Variants in NEGR1 observed in about 807,000 individuals in gnomAD.
The protein encoded by NEGR1 is neuronal growth regulator 1.
Under a neutral mutation model 40.9 loss-of-function variants are expected in NEGR1, and 10 were observed. That is an observed-to-expected ratio of 0.24 (90% CI 0.15 to 0.42). NEGR1 has a LOEUF of 0.42. Ranked by LOEUF, NEGR1 falls within the 10% of genes least tolerant of loss-of-function variation. The probability of loss-of-function intolerance (pLI) is 1.00; values close to 1 mark genes in which losing one functional copy is unlikely to be tolerated. For synonymous variants in NEGR1, 185 were observed against 166.8 expected, an observed-to-expected ratio of 1.11 and a Z score of -0.84; for missense variants, 352 against 438.9, an observed-to-expected ratio of 0.80 and a Z score of 1.77.
intron 1 of NEGR1, among the ~76,000 whole-genome samples, chr1:72,212,794 A>C (rs1653659416): frequency 6.6e-6 from 1 of 151,968 alleles, no homozygotes; most frequent in South Asian, 2.1e-4. Flanking sequence ...GATAAAAAGA[A>C]ATATAAAATA....
chr1:71,795,385 T>C (rs536119443), intron 2 of NEGR1, among the ~76,000 whole-genome samples: 40 of 152,194 alleles, frequency 2.6e-4, no homozygotes, highest in African/African-American at 8.9e-4. Context: ...AGCATTGCCC[T>C]GGACTAAAAC....
intron 1 of NEGR1, among the ~76,000 whole-genome samples, chr1:72,246,069 TAC>T (rs1172477092): frequency 1.3e-5 from 2 of 152,200 alleles, no homozygotes; most frequent in African/African-American, 4.8e-5. Flanking sequence ...TGAGTTGAAT[TAC>T]AGTTACCTTA....
At chr1:71,613,628 C>T (rs1198550997) in intron 4 of NEGR1, among the ~76,000 whole-genome samples, 1 of 150,034 alleles carries the variant, frequency 6.7e-6, no homozygotes, top group Admixed American at 6.7e-5. Flanking sequence ...GCACTTCAGC[C>T]TGGGCAACCA....
At chr1:71,414,928 T>C (rs568391565) in intron 6 of NEGR1, among the ~76,000 whole-genome samples, 2 of 152,300 alleles carry the variant, frequency 1.3e-5, no homozygotes, top group South Asian at 2.1e-4. Context: ...TATGATTCCC[T>C]ACTGCAGTCA....
intron 2 of NEGR1, among the ~76,000 whole-genome samples, chr1:71,809,183 G>T (rs1657893999): frequency 1.3e-5 from 2 of 152,114 alleles, no homozygotes; most frequent in Non-Finnish European, 2.9e-5. Flanking sequence ...TGTTGCAAAA[G>T]AGTGTGTGCC....
At chr1:71,782,154 G>C (rs1173723088) in intron 2 of NEGR1, among the ~76,000 whole-genome samples, 1 of 151,988 alleles carries the variant, frequency 6.6e-6, no homozygotes, top group African/African-American at 2.4e-5. Context: ...TGGGGCCTTG[G>C]AAAGGTGATT....
chr1:71,421,487 C>T (rs1243206143), intron 6 of NEGR1: 3 of 151,996 alleles, frequency 2.0e-5, no homozygotes, highest in African/African-American at 7.2e-5. Flanking sequence ...AGTTTAAAAA[C>T]AATAAGTGTG....
intron 1 of NEGR1, among the ~76,000 whole-genome samples, chr1:72,129,355 T>A (rs1175333917): frequency 6.6e-6 from 1 of 152,186 alleles, no homozygotes; most frequent in Admixed American, 6.5e-5. Context: ...CTATATTTAA[T>A]CATGCTAATG....
chr1:71,460,251 G>A (rs147370393), intron 6 of NEGR1, among the ~76,000 whole-genome samples: 2 of 152,054 alleles, frequency 1.3e-5, no homozygotes, highest in African/African-American at 2.4e-5. Flanking sequence ...TGTTGACATC[G>A]GTCCAAGTAC....
intron 6 of NEGR1, among the ~76,000 whole-genome samples, chr1:71,584,047 GA>G (rs1243776745): frequency 6.6e-6 from 1 of 152,210 alleles, no homozygotes; most frequent in African/African-American, 2.4e-5. Flanking sequence ...TGCCTGGCCA[GA>G]GCATAGGTGA....
chr1:72,206,613 G>A (rs1285388746), intron 1 of NEGR1, among the ~76,000 whole-genome samples: 2 of 151,686 alleles, frequency 1.3e-5, no homozygotes, highest in Non-Finnish European at 2.9e-5. Flanking sequence ...TAATAAATTA[G>A]AGACCAAAAA....
intron 1 of NEGR1, among the ~76,000 whole-genome samples, chr1:72,063,676 C>T (rs1647211750): frequency 6.6e-6 from 1 of 151,848 alleles, no homozygotes; most frequent in East Asian, 1.9e-4. Context: ...ACCAGGTGGA[C>T]TTAAATATGA....
intron 1 of NEGR1, among the ~76,000 whole-genome samples, chr1:71,948,688 C>T (rs1490561564): frequency 6.6e-6 from 1 of 152,082 alleles, no homozygotes; most frequent in Non-Finnish European, 1.5e-5. Context: ...CATATCGATG[C>T]CTCTCTTGCT....
chr1:72,112,251 G>A (rs1325641936), intron 1 of NEGR1, among the ~76,000 whole-genome samples: 1 of 137,688 alleles, frequency 7.3e-6, no homozygotes, highest in Non-Finnish European at 1.5e-5. Flanking sequence ...GCTCAGAGTT[G>A]TACACTTTTA....
At chr1:71,905,245 A>T (rs1414218584) in intron 2 of NEGR1, among the ~76,000 whole-genome samples, 3 of 152,112 alleles carry the variant, frequency 2.0e-5, no homozygotes, top group Non-Finnish European at 4.4e-5. Flanking sequence ...ACAGCTATGC[A>T]TAGAAATATT....
At position 71,403,627 on chromosome 1, in the gene NEGR1, G is replaced by C. The variant is rs1157287679; in HGVS notation, c.*3819C>G. 2.1e-5 allele frequency: 6 copies of C among 286,716 alleles called. No homozygotes were observed. Among genetic ancestry groups the C allele is most frequent in the Non-Finnish European group, 3.9e-5 (6 of 154,340 alleles). The allele number at this position is 286,716 out of a possible 1,614,324, so 17.8% of individuals were successfully genotyped here. On this transcript the variant is annotated 3_prime_UTR_variant, in exon 7 of 7. Coordinates refer to ENST00000357731, the MANE Select transcript of NEGR1 (RefSeq NM_173808.3). ...TGTACTGCTTTAGAGTAAGCAGAAA[G>C]ATGAGTGTAATACAGGAAATAAAGA...
chr1:71,532,196 G>T (rs921013943), intron 6 of NEGR1, among the ~76,000 whole-genome samples: 7 of 151,492 alleles, frequency 4.6e-5, no homozygotes, highest in South Asian at 2.1e-4. Context: ...ACGAGAAAAA[G>T]GTTGTTTCTA....
chr1:71,759,577 G>C (rs1655864982), intron 3 of NEGR1, among the ~76,000 whole-genome samples: 1 of 124,908 alleles, frequency 8.0e-6, no homozygotes, highest in Admixed American at 9.4e-5. Context: ...GATTACAGGC[G>C]TGAGCCACTG....
At position 71,871,339 on chromosome 1, in the gene NEGR1, C is replaced by T. The variant is rs139701386; in HGVS notation, c.409+63740G>A. Among the ~76,000 whole-genome samples the T allele has an allele frequency of 1.2e-4, 19 of 152,206 alleles. 1 individual carries two copies. The East Asian group carries it at 3.3e-3, about 26-fold the overall frequency. ...TCCAATAGTTCTTCAGATTCAAAAT[C>T]GATAGAATAGCATTTCTAGTAGACT... On this transcript the variant is annotated intron_variant, in intron 2 of 6. Transcript: ENST00000357731.
Sources: allele counts gnomAD v4.1 joint callset (sites outside exome capture counted in the v4.1 genomes callset), GRCh38; gene constraint gnomAD v4.1.1; transcripts MANE v1.5; gene names NCBI Gene and HGNC (gene_info 2026-07-23, HGNC 2026-07-21).